The following CNOT10 variants were observed in gnomAD, a reference collection of about 807,000 sequenced individuals.
CNOT10 encodes the protein CCR4-NOT transcription complex, subunit 10.
Under a neutral mutation model 94.6 loss-of-function variants are expected in CNOT10, and 30 were observed. The ratio of observed to expected loss-of-function variants is 0.32; its 90% CI spans 0.24 to 0.43. The LOEUF (loss-of-function observed/expected upper bound fraction) is 0.43, where lower values mean the gene tolerates loss of function less well. Among genes scored for constraint, CNOT10 ranks in the 20% least tolerant of loss-of-function variants. The pLI is 1.00. For missense variants in CNOT10, 759 were observed against 877.2 expected, an observed-to-expected ratio of 0.87 and a Z score of 1.70; for synonymous variants, 289 against 301.6, an observed-to-expected ratio of 0.96 and a Z score of 0.43.
At chr3:32,767,771 T>A (rs1700714687) in intron 17 of CNOT10, among the ~76,000 whole-genome samples, 1 of 152,110 alleles carries the variant, frequency 6.6e-6, no homozygotes, top group South Asian at 2.1e-4. Context: ...AGAGTTAAAA[T>A]GTTTCACTCT....
chr3:32,737,907 C>T (rs552688321), intron 13 of CNOT10, among the ~76,000 whole-genome samples: 1 of 151,962 alleles, frequency 6.6e-6, no homozygotes, highest in Non-Finnish European at 1.5e-5. Context: ...TGTGATAAAC[C>T]CTACTTGGTC....
At chr3:32,687,344 T>C (rs1320942297) in intron 1 of CNOT10, among the ~76,000 whole-genome samples, 1 of 151,874 alleles carries the variant, frequency 6.6e-6, no homozygotes, top group African/African-American at 2.4e-5. Flanking sequence ...CCCCTTCCTA[T>C]AAAGTTTCTA....
At position 32,703,100 on chromosome 3, in the gene CNOT10, A is replaced by G. The variant is rs1422229891; in HGVS notation, c.23-768A>G. Among the ~76,000 whole-genome samples the G allele has an allele frequency of 1.2e-3, 95 of 79,038 alleles. 2 individuals carry two copies. Among genetic ancestry groups the G allele is most frequent in the African/African-American group, 4.4e-3 (92 of 20,808 alleles). The allele number at this position is 79,038 out of a possible 152,430, so 51.9% of individuals were successfully genotyped here. A position where few individuals can be genotyped will look rare whatever the true frequency, so the allele number is the denominator to read the frequency against. ...CTAATTTTTTTTTTTTTTTTTTTGT[A>G]TTTTTAGTAGTGACGGGGTTTCACC... is the stretch of plus-strand genomic sequence containing the variant. On this transcript the variant is annotated intron_variant, in intron 1 of 18. Transcript: ENST00000328834.
intron 13 of CNOT10, among the ~76,000 whole-genome samples, chr3:32,751,758 A>C (rs527372317): frequency 2.6e-5 from 4 of 152,346 alleles, no homozygotes; most frequent in African/African-American, 9.6e-5. Context: ...ATTATGGCTA[A>C]TAATCTTTTG....
intron 13 of CNOT10, among the ~76,000 whole-genome samples, chr3:32,741,462 T>C (rs1218760586): frequency 2.6e-5 from 4 of 152,134 alleles, no homozygotes; most frequent in South Asian, 4.1e-4. Context: ...GGGAGTTACA[T>C]GTCTAATATT....
At chr3:32,704,779 T>TTGTG (rs772306771) in intron 2 of CNOT10, 32 bp from the exon 3 acceptor site, 4 of 1,494,688 alleles carry the variant, frequency 2.7e-6, no homozygotes, top group Non-Finnish European at 2.7e-6. Context: ...GTATGTAATT[T>TTGTG]TGTGTGTGTG....
intron 8 of CNOT10, 75 bp from the exon 9 acceptor site, chr3:32,725,375 A>G: frequency 8.9e-7 from 1 of 1,119,984 alleles, no homozygotes; most frequent in Non-Finnish European, 1.4e-6. Context: ...CTCGTGCAAG[A>G]TGAGCCCAAT....
At chr3:32,690,481 C>T (rs534925639) in intron 1 of CNOT10, among the ~76,000 whole-genome samples, 1 of 152,252 alleles carries the variant, frequency 6.6e-6, no homozygotes, top group African/African-American at 2.4e-5. Flanking sequence ...AACTCCTGGG[C>T]TTAAGCAATC....
chr3:32,721,229 A>G (rs1232382127), intron 8 of CNOT10, among the ~76,000 whole-genome samples: 1 of 150,480 alleles, frequency 6.6e-6, no homozygotes, highest in Non-Finnish European at 1.5e-5. Flanking sequence ...ATGCTCAGCT[A>G]ATTTTTGTAT....
intron 13 of CNOT10, among the ~76,000 whole-genome samples, chr3:32,746,663 C>T (rs1575280713): frequency 1.3e-5 from 2 of 151,808 alleles, no homozygotes; most frequent in East Asian, 3.9e-4. Flanking sequence ...GGTGAAACCC[C>T]GTCTCTACTA....
Position 32,772,348 on chromosome 3 carries a change from CA to C in CNOT10, c.2081-1098del, listed in dbSNP as rs1204794387. ...TGAACGACAGAGCGAGACTCCGTCT[CA>C]AAAAAAAAAAGGGACATAAATGAAG... On this transcript the variant is annotated intron_variant, in intron 18 of 18. Transcript: ENST00000328834. Among the ~76,000 whole-genome samples the C allele has an allele frequency of 2.2e-3, 313 of 139,358 alleles. 1 individual carries two copies. Among genetic ancestry groups the C allele is most frequent in the Admixed American group, 5.3e-3 (73 of 13,888 alleles). 91.4% of individuals were successfully genotyped at this position (139,358 alleles called of 152,430 possible).
At chr3:32,753,589 G>C in intron 13 of CNOT10, 1 of 1,585,798 alleles carries the variant, frequency 6.3e-7, no homozygotes, top group Non-Finnish European at 8.7e-7. Flanking sequence ...GGAGCAAGGA[G>C]ATGTGCCTAC....
intron 1 of CNOT10, among the ~76,000 whole-genome samples, chr3:32,700,370 G>A (rs1264138469): frequency 6.6e-6 from 1 of 152,202 alleles, no homozygotes; most frequent in African/African-American, 2.4e-5. Context: ...TTAGTAAATA[G>A]GGAAGCTGAA....
intron 7 of CNOT10, among the ~76,000 whole-genome samples, chr3:32,717,480 C>T (rs1197638280): frequency 2.6e-5 from 4 of 151,804 alleles, no homozygotes; most frequent in African/African-American, 9.7e-5. Context: ...TTTTAAATAA[C>T]TGCCTATTTT....
At chr3:32,721,846 G>T (rs553878568) in intron 8 of CNOT10, among the ~76,000 whole-genome samples, 14 of 151,624 alleles carry the variant, frequency 9.2e-5, no homozygotes, top group Admixed American at 9.2e-4. Flanking sequence ...TAGAGACAGG[G>T]TTTCACCGTG....
intron 3 of CNOT10, among the ~76,000 whole-genome samples, chr3:32,706,828 G>A: frequency 6.6e-6 from 1 of 152,216 alleles, no homozygotes; most frequent in South Asian, 2.1e-4. Flanking sequence ...TTAAGATAGT[G>A]ACTTGATAAG....
At chr3:32,764,352 A>AG (rs777880350) in intron 15 of CNOT10, 103 bp from the exon 16 acceptor site, 2 of 1,214,002 alleles carry the variant, frequency 1.6e-6, no homozygotes, top group Non-Finnish European at 2.3e-6. Flanking sequence ...AAAAAAAAAG[A>AG]AAAGAAAAGA....
Position 32,747,051 on chromosome 3 carries a change from A to G in CNOT10, c.1595+9561A>G, listed in dbSNP as rs531810077. On this transcript the variant is annotated intron_variant, in intron 13 of 18. Coordinates refer to ENST00000328834, the MANE Select transcript of CNOT10 (RefSeq NM_015442.3). Reference sequence around the variant, plus strand: ...AGAATCACTTGAACCCGGGAGGCGGAGGTTGTGGTGAGCCGAGATTGTGCC... The same window carrying G: ...AGAATCACTTGAACCCGGGAGGCGGGGGTTGTGGTGAGCCGAGATTGTGCC... Among the ~76,000 whole-genome samples the G allele has an allele frequency of 1.0e-3, 152 of 151,906 alleles. 1 individual carries two copies. Among genetic ancestry groups the G allele is most frequent in the African/African-American group, 3.5e-3 (147 of 41,434 alleles).
chr3:32,699,199 A>G (rs1697220071), intron 1 of CNOT10, among the ~76,000 whole-genome samples: 1 of 152,154 alleles, frequency 6.6e-6, no homozygotes, highest in Non-Finnish European at 1.5e-5. Context: ...TGTAGACTTT[A>G]TACTTATTCA....
Sources: allele counts gnomAD v4.1 joint callset (sites outside exome capture counted in the v4.1 genomes callset), GRCh38; gene constraint gnomAD v4.1.1; transcripts MANE v1.5; gene names NCBI Gene and HGNC (gene_info 2026-07-23, HGNC 2026-07-21).